RIPK1: variants seen among roughly 807,000 people sequenced by gnomAD.
The protein encoded by RIPK1 is receptor-interacting serine/threonine-protein kinase 1.
In RIPK1, 27 loss-of-function variants were observed where a neutral mutation model predicts 62.4. The observed-to-expected ratio is 0.43, with a 90% CI of 0.32 to 0.60. RIPK1 has a LOEUF of 0.60. RIPK1 is among the 20% of genes least tolerant of loss of function. The pLI, the probability that RIPK1 is intolerant of heterozygous loss-of-function variation, is 0.07. For missense variants in RIPK1, 735 were observed against 831.0 expected (o/e 0.88, Z 1.42); for synonymous variants, 287 against 303.2 (o/e 0.95, Z 0.55).
Position 3,090,845 on chromosome 6 carries a change from T to G in RIPK1, c.915+1188T>G, listed in dbSNP as rs1251987284. ...CAGCGCACCTACCTGCCGCACCTAG[T>G]AACCGCAGAGTACCTACCTGCCGCA... On this transcript the variant is annotated intron_variant, in intron 7 of 10. Coordinates refer to ENST00000259808, the MANE Select transcript of RIPK1 (RefSeq NM_001354930.2). Among the ~76,000 whole-genome samples the G allele has an allele frequency of 1.0e-4, 11 of 105,466 alleles. No homozygotes were observed. In the East Asian group the frequency reaches 1.1e-3, roughly 10 times the overall value. 69.2% of individuals were successfully genotyped at this position (105,466 alleles called of 152,430 possible).
At chr6:3,074,559 C>T (rs1373713580) in intron 1 of RIPK1, among the ~76,000 whole-genome samples, 1 of 152,154 alleles carries the variant, frequency 6.6e-6, no homozygotes, top group East Asian at 1.9e-4. Context: ...GGTCATAGTG[C>T]AGGTGTTTGT....
chr6:3,104,955 G>C (rs1760766753), intron 8 of RIPK1, among the ~76,000 whole-genome samples: 2 of 152,002 alleles, frequency 1.3e-5, no homozygotes, highest in African/African-American at 4.8e-5. Flanking sequence ...AGGTTCAAGC[G>C]ATTCTTCTGC....
At chr6:3,080,803 C>T (rs867647728) in intron 3 of RIPK1, among the ~76,000 whole-genome samples, 176 bp from the exon 4 acceptor site, 3 of 151,280 alleles carry the variant, frequency 2.0e-5, no homozygotes, top group Non-Finnish European at 4.4e-5. Flanking sequence ...CCCTCTGCCC[C>T]CCCCCGAATG....
At position 3,069,712 on chromosome 6, in the gene RIPK1, T is replaced by A. The variant is rs146405952; in HGVS notation, c.-61+1051T>A. Among the ~76,000 whole-genome samples, 536 of 152,290 alleles carry A rather than the reference T, an allele frequency of 3.5e-3. 4 individuals are homozygous for A. Among genetic ancestry groups the A allele is most frequent in the African/African-American group, 0.013 (520 of 41,558 alleles). ...CTGAGTCAAGAGGAAATTGTCTTGT[T>A]AGAAATGTGGAATACTGCGTCGGGC... On this transcript the variant is annotated intron_variant, in intron 1 of 10. Transcript: ENST00000259808.
At chr6:3,087,056 T>C (rs934006052) in intron 6 of RIPK1, among the ~76,000 whole-genome samples, 1 of 152,238 alleles carries the variant, frequency 6.6e-6, no homozygotes. Flanking sequence ...TTTAGAGAAC[T>C]TTCCTTAATC....
At chr6:3,079,415 TAC>T (rs1759263866) in intron 3 of RIPK1, among the ~76,000 whole-genome samples, 1 of 151,856 alleles carries the variant, frequency 6.6e-6, no homozygotes, top group African/African-American at 2.4e-5. Context: ...GCTGAGGGAG[TAC>T]ACATGAGAGG....
chr6:3,107,425 C>T (rs2113702552), intron 9 of RIPK1, among the ~76,000 whole-genome samples: 1 of 149,178 alleles, frequency 6.7e-6, no homozygotes, highest in East Asian at 2.0e-4. Flanking sequence ...AAAAGCTGGG[C>T]ATAGTGGCGT....
At chr6:3,068,401 C>G, upstream of RIPK1, 1 of 985,464 alleles carries the variant, frequency 1.0e-6, no homozygotes, top group African/African-American at 1.7e-5. Context: ...GGGACTCAGA[C>G]CCCGGGCGCG....
At chr6:3,068,736 G>A (rs1219423142) in intron 1 of RIPK1, 75 bp downstream of exon 1, 3 of 917,876 alleles carry the variant, frequency 3.3e-6, no homozygotes, top group African/African-American at 3.6e-5. Flanking sequence ...CCTGGTCGGG[G>A]TTCGCGCGCC....
chr6:3,089,602 C>G lies in RIPK1; in HGVS notation c.860C>G (p.Pro287Arg). ...TFPGIEEKFR[P>R]FYLSQLEESV... is the part of the protein sequence containing the mutation. Reference sequence around the variant, plus strand: ...ACAGGCATTGAAGAAAAATTTAGGCCTTTTTATTTAAGTCAATTAGAAGAA... The same window carrying G: ...ACAGGCATTGAAGAAAAATTTAGGCGTTTTTATTTAAGTCAATTAGAAGAA... Residue 287 changes from proline (P) to arginine (R), a missense_variant, in exon 7 of 11, where the codon CCT becomes CGT. By Grantham distance (103) the Pro-to-Arg change is moderately radical. Around this residue, in one of 2 missense-constraint regions of RIPK1, gnomAD observed 671 missense variants for 726.2 expected, o/e 0.92. Transcript: ENST00000259808. 1.3e-6 allele frequency: 2 copies of G among 1,566,326 alleles called. No homozygotes were observed. Among genetic ancestry groups the G allele is most frequent in the Non-Finnish European group, 1.8e-6 (2 of 1,140,962 alleles).
At chr6:3,094,106 C>T (rs13206440) in intron 7 of RIPK1, among the ~76,000 whole-genome samples, 4 of 142,756 alleles carry the variant, frequency 2.8e-5, no homozygotes, top group South Asian at 2.2e-4. Flanking sequence ...CTAGTAACTG[C>T]AGAGTACCTA....
At chr6:3,071,975 G>C (rs1017180712) in intron 1 of RIPK1, among the ~76,000 whole-genome samples, 10 of 152,196 alleles carry the variant, frequency 6.6e-5, no homozygotes, top group African/African-American at 2.4e-4. Flanking sequence ...TTTCTTTACT[G>C]TCTGTGACCT....
intron 8 of RIPK1, 63 bp downstream of exon 8, chr6:3,104,378 TC>T (rs1760729164): frequency 1.1e-6 from 1 of 870,228 alleles, no homozygotes; most frequent in African/African-American, 1.7e-5. Flanking sequence ...CACTCCACTC[TC>T]TAAAAGACTA....
upstream of RIPK1, among the ~76,000 whole-genome samples, chr6:3,065,192 G>C (rs1758323127): frequency 6.6e-6 from 1 of 150,384 alleles, no homozygotes; most frequent in Non-Finnish European, 1.5e-5. Context: ...GGGAGGCGGA[G>C]CTTGCAGTGA....
At chr6:3,069,237 G>T (rs1388566781) in intron 1 of RIPK1, among the ~76,000 whole-genome samples, 1 of 152,230 alleles carries the variant, frequency 6.6e-6, no homozygotes, top group African/African-American at 2.4e-5. Context: ...CCAGCCCTTT[G>T]AAAGGGCCTT....
At chr6:3,081,510 T>C (rs1759380009) in intron 4 of RIPK1, among the ~76,000 whole-genome samples, 1 of 152,116 alleles carries the variant, frequency 6.6e-6, no homozygotes, top group African/African-American at 2.4e-5. Context: ...CCTCTGGAAA[T>C]GCAGGGGAAT....
intron 1 of RIPK1, among the ~76,000 whole-genome samples, chr6:3,069,486 G>A (rs897846454): frequency 6.6e-6 from 1 of 152,108 alleles, no homozygotes; most frequent in Non-Finnish European, 1.5e-5. Flanking sequence ...GGGAGGTCTG[G>A]GGTTGTTAGT....
At chr6:3,108,513 G>A (rs774481190) in intron 9 of RIPK1, among the ~76,000 whole-genome samples, 27 of 152,176 alleles carry the variant, frequency 1.8e-4, no homozygotes, top group Admixed American at 5.9e-4. Flanking sequence ...CGCGGTGAGC[G>A]CAGACTGTGA....
At chr6:3,112,960 T>C in intron 10 of RIPK1, 93 bp from the exon 11 acceptor site, 1 of 1,060,412 alleles carries the variant, frequency 9.4e-7, no homozygotes, top group Non-Finnish European at 1.3e-6. Context: ...CTTCTGGTAC[T>C]CTTCATTTCA....
Sources: allele counts gnomAD v4.1 joint callset (sites outside exome capture counted in the v4.1 genomes callset), GRCh38; gene constraint gnomAD v4.1.1; regional missense constraint gnomAD v4.1.1; transcripts MANE v1.5; gene names NCBI Gene and HGNC (gene_info 2026-07-23, HGNC 2026-07-21).